Variants in ATP13A2 observed in about 807,000 individuals in gnomAD.
ATP13A2 encodes polyamine-transporting ATPase 13A2.
A neutral mutation model predicts 138.3 loss-of-function variants in ATP13A2; 83 were observed. The observed-to-expected ratio is 0.60, with a 90% confidence interval of 0.50 to 0.72. ATP13A2 has a LOEUF of 0.72. Ranked by LOEUF, ATP13A2 falls within the 30% of genes least tolerant of loss-of-function variation. The pLI is 0.00. For synonymous variants in ATP13A2, 663 were observed against 699.0 expected (o/e 0.95, Z 0.81); for missense variants, 1,402 against 1,606.4 (o/e 0.87, Z 2.17).
intron 1 of ATP13A2, among the ~76,000 whole-genome samples, chr1:17,008,743 G>A (rs1301959772): frequency 1.3e-5 from 2 of 152,058 alleles, no homozygotes; most frequent in African/African-American, 2.4e-5. Flanking sequence ...GAGGTCAGGA[G>A]GTGGAGACTA....
rs1250585645 is a variant in ATP13A2, at chr1:16,989,964, G to A, written c.2452C>T (p.Pro818Ser). The A allele has an allele frequency of 4.4e-6, 7 of 1,608,084 alleles. No individual in the cohort carries two copies. Among genetic ancestry groups the A allele is most frequent in the Non-Finnish European group, 5.9e-6 (7 of 1,177,206 alleles). ...CTGAGGGCCAGGTGCCTGGATCGGG[G>A]GTCTGGCTCCACGGTGTAGCTTGCA... ...QAASYTVEPD[P>S]RSRHLALSGP... The change falls in exon 22 of 29, where the codon CCC becomes TCC. Residue 818 changes from proline to serine, a missense_variant. By Grantham distance (74) the Pro-to-Ser change is moderately conservative (BLOSUM62 -1). Coordinates refer to ENST00000326735, the MANE Select transcript of ATP13A2 (RefSeq NM_022089.4).
rs769153783 is a variant in ATP13A2, at chr1:16,992,086, A to G, written c.2049T>C (p.Ala683=). 6.2e-7 allele frequency: 1 copy of G among 1,613,564 alleles called. No homozygotes were observed. Among genetic ancestry groups the G allele is most frequent in the Admixed American group, 1.7e-5 (1 of 60,028 alleles). Residue 683 remains alanine, a synonymous_variant, in exon 19 of 29, where the codon GCT becomes GCC. Coordinates refer to ENST00000326735, the MANE Select transcript of ATP13A2 (RefSeq NM_022089.4). Reference sequence around the variant, plus strand: ...TGGCCAGGGCCACGACACGGTAGCCAGCAGCTGTATAGCTCTGCAGCATCT... The same window carrying G: ...TGGCCAGGGCCACGACACGGTAGCCGGCAGCTGTATAGCTCTGCAGCATCT... ...FAQMLQSYTA[A]GYRVVALASK...
chr1:16,995,645 CA>C lies in ATP13A2; in HGVS notation c.1542+330del, dbSNP rs1201244680. On this transcript the variant is annotated intron_variant, in intron 15 of 28. Coordinates refer to ENST00000326735, the MANE Select transcript of ATP13A2 (RefSeq NM_022089.4). The surrounding 1 kb of genome is among the most constrained non-coding windows in gnomAD (Gnocchi z 4.1). ...GTATTTTTAGTAGACGGGGTTTTGC[CA>C]TGTTGGTCAGGCTGGTCTTGAACTC... 7 of 398,626 alleles carry C rather than the reference CA, an allele frequency of 1.8e-5. No individual in the cohort carries two copies. The highest frequency in any genetic ancestry group is 2.9e-5 in the Non-Finnish European group (6 of 208,270). The allele number at this position is 398,626 out of a possible 1,614,324, so 24.7% of individuals were successfully genotyped here.
Position 16,991,915 on chromosome 1 carries a change from A to C in ATP13A2, c.2127-57T>G. Reference sequence around the variant, plus strand: ...ATGCAGTGGCCAGGGCCCCTCTCCCAGCCACCAGGCAGGGCATCTTCCTTG... The same window carrying C: ...ATGCAGTGGCCAGGGCCCCTCTCCCCGCCACCAGGCAGGGCATCTTCCTTG... On this transcript the variant is annotated intron_variant, in intron 19 of 28. Coordinates refer to ENST00000326735, the MANE Select transcript of ATP13A2 (RefSeq NM_022089.4). 1.9e-6 allele frequency: 3 copies of C among 1,612,684 alleles called. No individual in the cohort carries two copies. The South Asian group carries it at 3.3e-5, about 18-fold the overall frequency.
intron 1 of ATP13A2, among the ~76,000 whole-genome samples, chr1:17,006,022 C>G (rs2077547685): frequency 6.6e-6 from 1 of 152,070 alleles, no homozygotes; most frequent in East Asian, 2.0e-4. Flanking sequence ...GTAATCTCAG[C>G]TACTCAGGAG....
chr1:16,988,511 T>C (rs370013359), intron 23 of ATP13A2, 37 bp from the exon 24 acceptor site: 37 of 1,612,862 alleles, frequency 2.3e-5, no homozygotes, highest in Middle Eastern at 3.4e-4. Context: ...CCTGGGGAAT[T>C]ACCCCACCAC....
chr1:17,011,906 A>G lies in ATP13A2; in HGVS notation c.-168T>C. ...ACGCGGGCGGGGCACCTGGGCCACC[A>G]GGCTCGGCGCGGCTCCGACACTGCC... is the stretch of plus-strand genomic sequence containing the variant. On this transcript the variant is annotated 5_prime_UTR_variant, in exon 1 of 29. Transcript: ENST00000326735. This position sits in a 1 kb window ranked among gnomAD's most constrained non-coding sequence, Gnocchi z 7.3. 1 of 533,270 alleles carries G rather than the reference A, an allele frequency of 1.9e-6. No homozygotes were observed. Among genetic ancestry groups the G allele is most frequent in the Non-Finnish European group, 2.4e-6 (1 of 412,804 alleles). 33.0% of individuals were successfully genotyped at this position (533,270 alleles called of 1,614,324 possible).
At position 17,005,517 on chromosome 1, in the gene ATP13A2, C is replaced by T. The variant is rs56379718; in HGVS notation, c.145G>A (p.Gly49Ser). The T allele has an allele frequency of 1.2e-3, 2,011 of 1,614,234 alleles. 20 individuals are homozygous for T. In the African/African-American group the frequency reaches 0.022, roughly 17 times the overall value. Residue 49 changes from glycine to serine, a missense_variant, in exon 3 of 29, where the codon GGC (glycine) becomes AGC (serine). Coordinates refer to ENST00000326735, the MANE Select transcript of ATP13A2 (RefSeq NM_022089.4). Reference protein sequence around the residue: ...GYCGSPWRVIGYHVVVWMMAG... With the variant: ...GYCGSPWRVISYHVVVWMMAG... The stretch of plus-strand genomic sequence containing the variant: ...ATCATCCAGACCACGACGTGATAGC[C>T]GATGACCCTCCATGGACTGCCACAG...
intron 6 of ATP13A2, 35 bp from the exon 7 acceptor site, chr1:17,002,408 T>C: frequency 6.2e-7 from 1 of 1,604,230 alleles, no homozygotes; most frequent in South Asian, 1.1e-5. Flanking sequence ...GCATGGGCCA[T>C]GGGGCCTGAG....
In ATP13A2 at chr1:16,990,857, A is replaced by G. The variant is rs116627268; in HGVS notation, c.2252-570T>C. ...CTTACTGCTGTGTGACTCTGCTGCC[A>G]AGTGCCCATGAATGTGTGTGCACAT... On this transcript the variant is annotated intron_variant, in intron 20 of 28. Coordinates refer to ENST00000326735, the MANE Select transcript of ATP13A2 (RefSeq NM_022089.4). Among the ~76,000 whole-genome samples the G allele has an allele frequency of 8.6e-3, 1,300 of 151,956 alleles. 22 individuals carry two copies. The highest frequency in any genetic ancestry group is 0.03 in the African/African-American group (1,250 of 41,444).
Position 16,988,250 on chromosome 1 carries a change from C to T in ATP13A2, c.2763-16G>A, listed in dbSNP as rs114407349. On this transcript the variant is annotated splice_polypyrimidine_tract_variant and intron_variant, in intron 24 of 28. Transcript: ENST00000326735. ...GCGCCCCTCCCTGGGTGGCAGGGCA[C>T]GGACATTAGGGGACCCAGGTTGGCT... 2.0e-3 allele frequency: 3,189 copies of T among 1,614,136 alleles called. 60 individuals are homozygous for T. The African/African-American group carries it at 0.035, about 18-fold the overall frequency.
rs1336572494 is a variant in ATP13A2, at chr1:16,986,195, G to C, written c.*26C>G. On this transcript the variant is annotated 3_prime_UTR_variant, in exon 29 of 29. Coordinates refer to ENST00000326735, the MANE Select transcript of ATP13A2 (RefSeq NM_022089.4). The surrounding 1 kb of genome is among the most constrained non-coding windows in gnomAD (Gnocchi z 6.9). ...GGTGGCTCAGAGGCAGGGAGTTCCA[G>C]TGTCTGGGGTGCCCGTGGGCCTGCA... 1 of 1,612,748 alleles carries C rather than the reference G, an allele frequency of 6.2e-7. No homozygotes were observed. The highest frequency in any genetic ancestry group is 8.5e-7 in the Non-Finnish European group (1 of 1,179,678).
Position 17,011,725 on chromosome 1 carries a change from T to A in ATP13A2, c.10+4A>T. The A allele has an allele frequency of 6.8e-7, 1 of 1,477,316 alleles. No homozygotes were observed. The highest frequency in any genetic ancestry group is 8.9e-7 in the Non-Finnish European group (1 of 1,120,264). 91.5% of individuals were successfully genotyped at this position (1,477,316 alleles called of 1,614,324 possible). A position where few individuals can be genotyped will look rare whatever the true frequency, so the allele number is the denominator to read the frequency against. ...CTCGGGGCCGACCCGGACTCCGCACTCACCTGCGCTCATGCCGGCTCCTCG... is the reference window on the plus strand; with the variant it reads ...CTCGGGGCCGACCCGGACTCCGCACACACCTGCGCTCATGCCGGCTCCTCG... On this transcript the variant is annotated splice_donor_region_variant and intron_variant, in intron 1 of 28. Transcript: ENST00000326735. This position sits in a 1 kb window ranked among gnomAD's most constrained non-coding sequence, Gnocchi z 7.3.
At chr1:17,003,330 G>A (rs551564636) in intron 6 of ATP13A2, among the ~76,000 whole-genome samples, 3 of 152,220 alleles carry the variant, frequency 2.0e-5, no homozygotes, top group African/African-American at 7.2e-5. Flanking sequence ...GGCTGAGGCG[G>A]GTGGATCACC....
rs1303759591 is a variant in ATP13A2, at chr1:17,005,726, T to G, written c.63A>C (p.Ile21=). The change falls in exon 2 of 29, where the codon ATA becomes ATC. Residue 21 remains isoleucine (I), a synonymous_variant. Transcript: ENST00000326735. ...STPTGYGTLT[I]GTSIDPLSSS... Reference sequence around the variant, plus strand: ...AGCTGAGGGGATCTATTGATGTCCCTATCGTCAGGGTCCCATAACCGGTGG... The same window carrying G: ...AGCTGAGGGGATCTATTGATGTCCCGATCGTCAGGGTCCCATAACCGGTGG... 5.0e-6 allele frequency: 8 copies of G among 1,613,682 alleles called. No homozygotes were observed. The highest frequency in any genetic ancestry group is 1.7e-5 in the Admixed American group (1 of 59,940).
Position 16,989,707 on chromosome 1 carries a change from C to T in ATP13A2, c.2593G>A (p.Glu865Lys), listed in dbSNP as rs148534162. ...APEQKTELVC[E>K]LQKLQYCVGM... The stretch of plus-strand genomic sequence containing the variant: ...AGCACTCACTGAAGCTTCTGTAGCT[C>T]GCACACCAGCTCTGTCTTCTGCTCA... Residue 865 changes from glutamate (E) to lysine (K), a missense_variant, in exon 23 of 29, where the codon GAG (glutamate) becomes AAG (lysine). By Grantham distance (56) the Glu-to-Lys change is moderately conservative. Coordinates refer to ENST00000326735, the MANE Select transcript of ATP13A2 (RefSeq NM_022089.4). 4.2e-5 allele frequency: 67 copies of T among 1,613,978 alleles called. No individual in the cohort carries two copies. The highest frequency in any genetic ancestry group is 2.3e-4 in the African/African-American group (17 of 74,928).
intron 15 of ATP13A2, 64 bp from the exon 16 acceptor site, chr1:16,993,899 G>A (rs2077024523): frequency 1.4e-6 from 2 of 1,392,896 alleles, no homozygotes; most frequent in Non-Finnish European, 1.9e-6. Context: ...GCTGAGCTGG[G>A]CCTCCAAACC....
intron 25 of ATP13A2, among the ~76,000 whole-genome samples, chr1:16,987,652 A>C (rs1216274295): frequency 6.6e-6 from 1 of 152,200 alleles, no homozygotes; most frequent in Non-Finnish European, 1.5e-5. Context: ...GACAGACCCA[A>C]GTATAAGATG....
chr1:17,011,252 G>A lies in ATP13A2; in HGVS notation c.10+477C>T, dbSNP rs948910257. ...AGGTCAGGAGTGGCGCTGTGGCCCAGGACATCTACCCAGGAAATGGAGTCC... is the reference window on the plus strand; with the variant it reads ...AGGTCAGGAGTGGCGCTGTGGCCCAAGACATCTACCCAGGAAATGGAGTCC... On this transcript the variant is annotated intron_variant, in intron 1 of 28. Transcript: ENST00000326735. This position sits in a 1 kb window ranked among gnomAD's most constrained non-coding sequence, Gnocchi z 7.3. Among the ~76,000 whole-genome samples the A allele has an allele frequency of 2.6e-5, 4 of 152,050 alleles. No individual in the cohort carries two copies. The highest frequency in any genetic ancestry group is 9.7e-5 in the African/African-American group (4 of 41,400).
Sources: gnomAD v4.1 joint callset for allele counts (sites outside exome capture counted in the v4.1 genomes callset) on GRCh38, gnomAD v4.1.1 for gene constraint, Gnocchi (gnomAD v3.1) non-coding constraint, MANE v1.5 for transcripts, NCBI Gene and HGNC (gene_info 2026-07-23, HGNC 2026-07-21) for gene names.